The following COPB1 variants were observed in gnomAD, a reference collection of about 807,000 sequenced individuals.
COPB1 encodes coat protein complex I subunit beta 1.
In COPB1, 21 loss-of-function variants were observed where a neutral mutation model predicts 108.7. That is an observed-to-expected ratio of 0.19 (90% CI 0.14 to 0.28). The LOEUF is 0.28. COPB1 is among the 10% of genes least tolerant of loss of function. The probability of loss-of-function intolerance (pLI) is 1.00; values close to 1 mark genes in which losing one functional copy is unlikely to be tolerated. For missense variants in COPB1, 919 were observed against 1,141.3 expected (o/e 0.81, Z 2.81); for synonymous variants, 378 against 386.8 (o/e 0.98, Z 0.27).
chr11:14,461,795 G>A (rs1226296394), intron 18 of COPB1, among the ~76,000 whole-genome samples: 1 of 152,182 alleles, frequency 6.6e-6, no homozygotes, highest in Non-Finnish European at 1.5e-5. Context: ...ACTACTTAAT[G>A]ATACAAGATT....
intron 16 of COPB1, 147 bp from the exon 17 acceptor site, chr11:14,466,573 C>T (rs999855229): frequency 1.4e-6 from 1 of 736,584 alleles, no homozygotes; most frequent in Non-Finnish European, 2.1e-6. Flanking sequence ...TTTTATAATG[C>T]AGAAATGGAA....
chr11:14,490,792 C>CT (rs375723824), intron 4 of COPB1, 113 bp from the exon 5 acceptor site: 35,742 of 487,772 alleles, frequency 0.073, no homozygotes, highest in Middle Eastern at 0.09. Context: ...CATACTTTTG[C>CT]TTTTTTTTTT....
chr11:14,459,439 T>A lies in COPB1; in HGVS notation c.2647-752A>T, dbSNP rs145343415. On this transcript the variant is annotated intron_variant, in intron 20 of 21. Transcript: ENST00000439561. ...TAGAAATTTTACATAAAGAAAAAAG[T>A]TCCTTAGAGCTCCAGCTTCATTTTT... Among the ~76,000 whole-genome samples the A allele has an allele frequency of 9.1e-3, 1,385 of 152,226 alleles. 17 individuals are homozygous for A. Among genetic ancestry groups the A allele is most frequent in the African/African-American group, 0.032 (1,315 of 41,536 alleles).
At position 14,481,014 on chromosome 11, in the gene COPB1, A is replaced by G; in HGVS notation, c.1041T>C (p.Leu347=). The change falls in exon 9 of 22, where the codon CTT becomes CTC. Residue 347 remains leucine, a synonymous_variant. Coordinates refer to ENST00000439561, the MANE Select transcript of COPB1 (RefSeq NM_001144061.2). ...CCTCTTCAACATTTCTAGAAGAGAC[A>G]AGATCCAGTGCTAACTGCAGAGTTT... ...RKKTLQLALD[L]VSSRNVEELV... The G allele has an allele frequency of 6.2e-7, 1 of 1,614,000 alleles. No homozygotes were observed. Among genetic ancestry groups the G allele is most frequent in the East Asian group, 2.2e-5 (1 of 44,854 alleles).
chr11:14,467,305 C>A (rs922503698), intron 16 of COPB1, among the ~76,000 whole-genome samples: 7 of 151,998 alleles, frequency 4.6e-5, no homozygotes, highest in African/African-American at 1.7e-4. Context: ...CATCACTAAT[C>A]ATTAGGAAAA....
chr11:14,475,839 T>C lies in COPB1; in HGVS notation c.1562A>G (p.Tyr521Cys). 6.8e-6 allele frequency: 11 copies of C among 1,613,926 alleles called. No individual in the cohort carries two copies. Among genetic ancestry groups the C allele is most frequent in the African/African-American group, 1.3e-5 (1 of 75,026 alleles). The change falls in exon 13 of 22, where the codon TAT becomes TGT. Residue 521 changes from tyrosine to cysteine, a missense_variant. Physicochemically the swap from Tyr to Cys is radical, Grantham distance 194. Transcript: ENST00000439561. ...ACTGCTAAGGGCACTCTGAGTTGCATAGGTACCCATTTCAGTAACCAATTT... is the reference window on the plus strand; with the variant it reads ...ACTGCTAAGGGCACTCTGAGTTGCACAGGTACCCATTTCAGTAACCAATTT... ...VQKLVTEMGT[Y>C]ATQSALSSSR...
At chr11:14,499,267 G>A (rs1159317445) in intron 1 of COPB1, among the ~76,000 whole-genome samples, 1 of 152,098 alleles carries the variant, frequency 6.6e-6, no homozygotes, top group African/African-American at 2.4e-5. Flanking sequence ...CAATGTTATG[G>A]ACCGTATGGT....
chr11:14,496,145 A>G (rs1333219009), intron 2 of COPB1, among the ~76,000 whole-genome samples: 2 of 152,162 alleles, frequency 1.3e-5, no homozygotes, highest in Non-Finnish European at 2.9e-5. Flanking sequence ...TCCTTTCTAT[A>G]TTTGAAGCAT....
Position 14,476,948 on chromosome 11 carries a change from T to C in COPB1, c.1426A>G (p.Met476Val), listed in dbSNP as rs748391834. The C allele has an allele frequency of 6.2e-6, 10 of 1,611,844 alleles. No individual in the cohort carries two copies. The highest frequency in any genetic ancestry group is 8.5e-6 in the Non-Finnish European group (10 of 1,178,062). Residue 476 changes from methionine (M) to valine (V), a missense_variant, in exon 12 of 22, where the codon ATG (methionine) becomes GTG (valine). Coordinates refer to ENST00000439561, the MANE Select transcript of COPB1 (RefSeq NM_001144061.2). ...CCAAGGGACCTGCGGATCTCAGTCATCACACTCTGAATGTCTTCCTTGGTA... is the reference window on the plus strand; with the variant it reads ...CCAAGGGACCTGCGGATCTCAGTCACCACACTCTGAATGTCTTCCTTGGTA... The part of the protein sequence containing the change: ...CSTKEDIQSV[M>V]TEIRRSLGEI...
intron 17 of COPB1, among the ~76,000 whole-genome samples, chr11:14,465,306 T>C (rs1313305736): frequency 6.6e-6 from 1 of 152,184 alleles, no homozygotes; most frequent in Non-Finnish European, 1.5e-5. Flanking sequence ...CCATATTTAA[T>C]TTGTGGGAAG....
intron 16 of COPB1, among the ~76,000 whole-genome samples, chr11:14,468,136 T>C (rs1269682484): frequency 6.6e-6 from 1 of 152,218 alleles, no homozygotes; most frequent in Non-Finnish European, 1.5e-5. Context: ...GAAATTGTTT[T>C]AGTAATTCCA....
intron 4 of COPB1, among the ~76,000 whole-genome samples, chr11:14,492,213 T>C (rs1000505850): frequency 6.6e-6 from 1 of 152,206 alleles, no homozygotes; most frequent in Non-Finnish European, 1.5e-5. Context: ...CAAGACATAG[T>C]GTTCACATTT....
Position 14,493,716 on chromosome 11 carries a change from A to G in COPB1, c.417T>C (p.Ala139=). ...GTCGATGCTCCAAACATGCACGAAT[A>G]GCTGGCATTAAAGGTTCTAGCAATT... is the stretch of plus-strand genomic sequence containing the variant. ...EAELLEPLMP[A]IRACLEHRHS... Residue 139 remains alanine (A), a synonymous_variant, in exon 4 of 22, where the codon GCT becomes GCC. Transcript: ENST00000439561. The G allele has an allele frequency of 6.2e-7, 1 of 1,613,996 alleles. No homozygotes were observed. The highest frequency in any genetic ancestry group is 8.5e-7 in the Non-Finnish European group (1 of 1,179,964).
chr11:14,488,364 G>C (rs1406906097), intron 6 of COPB1, 128 bp downstream of exon 6: 16 of 446,824 alleles, frequency 3.6e-5, no homozygotes, highest in South Asian at 2.7e-4. Flanking sequence ...GGCTTTAATA[G>C]GCTATGCTAT....
intron 10 of COPB1, among the ~76,000 whole-genome samples, chr11:14,480,315 A>C (rs975147181): frequency 6.6e-6 from 1 of 152,236 alleles, no homozygotes; most frequent in East Asian, 1.9e-4. Flanking sequence ...TTTTAGAGAG[A>C]ACTCAAGAGC....
At chr11:14,461,458 T>A in intron 18 of COPB1, 127 bp from the exon 19 acceptor site, 2 of 898,106 alleles carry the variant, frequency 2.2e-6, no homozygotes, top group Non-Finnish European at 3.3e-6. Flanking sequence ...ACTTATTATG[T>A]ACAGAGCTCT....
At chr11:14,480,715 T>C in intron 10 of COPB1, 44 bp downstream of exon 10, 1 of 1,570,618 alleles carries the variant, frequency 6.4e-7, no homozygotes, top group Non-Finnish European at 8.6e-7. Context: ...TTTTAAAAAA[T>C]TCTTTTAGAT....
intron 6 of COPB1, among the ~76,000 whole-genome samples, chr11:14,488,016 C>T (rs1311892980): frequency 6.6e-6 from 1 of 152,192 alleles, no homozygotes; most frequent in East Asian, 1.9e-4. Flanking sequence ...ATTTAAAAAT[C>T]CAAAATTCTT....
intron 18 of COPB1, among the ~76,000 whole-genome samples, chr11:14,463,697 C>T (rs973936460): frequency 1.3e-5 from 2 of 152,186 alleles, no homozygotes; most frequent in Non-Finnish European, 2.9e-5. Context: ...CACTTTAATA[C>T]CGAACCTGCT....
Sources: allele counts gnomAD v4.1 joint callset (sites outside exome capture counted in the v4.1 genomes callset), GRCh38; gene constraint gnomAD v4.1.1; transcripts MANE v1.5; gene names NCBI Gene and HGNC (gene_info 2026-07-23, HGNC 2026-07-21).